Variants in PSIP1 observed in about 807,000 individuals in gnomAD.
PSIP1 encodes the protein PC4 and SRSF1 interacting protein 1, also known as PC4 and SFRS1-interacting protein.
In PSIP1, 19 loss-of-function variants were observed where a neutral mutation model predicts 74.7. The ratio of observed to expected loss-of-function variants is 0.25; its 90% CI spans 0.18 to 0.37. The LOEUF (loss-of-function observed/expected upper bound fraction) is 0.37, where lower values mean the gene tolerates loss of function less well. Ranked by LOEUF, PSIP1 falls within the 10% of genes least tolerant of loss-of-function variation. PSIP1 has a pLI of 1.00. For synonymous variants in PSIP1, 222 were observed against 195.3 expected, an observed-to-expected ratio of 1.14 and a Z score of -1.14; for missense variants, 601 against 614.3, an observed-to-expected ratio of 0.98 and a Z score of 0.23.
rs188422093 is a variant in PSIP1 at position 15,493,472 on chromosome 9, T to C, written c.150-3348A>G. The stretch of plus-strand genomic sequence containing the variant: ...CCTCCAAACTGTTCCAACCTCTGCC[T>C]GTTACCCAGTTCCAAAGTCGCTTCC... On this transcript the variant is annotated intron_variant, in intron 3 of 15. Coordinates refer to ENST00000380733, the MANE Select transcript of PSIP1 (RefSeq NM_033222.5). 1.9e-3 allele frequency among the ~76,000 whole-genome samples: 287 copies of C among 152,328 alleles called. 1 individual carries two copies. Among genetic ancestry groups the C allele is most frequent in the African/African-American group, 5.9e-3 (247 of 41,568 alleles).
chr9:15,500,148 A>G (rs2037265569), intron 3 of PSIP1, among the ~76,000 whole-genome samples: 1 of 152,126 alleles, frequency 6.6e-6, no homozygotes, highest in Admixed American at 6.5e-5. Context: ...TGCACGCACT[A>G]TTTCTCATGA....
intron 2 of PSIP1, among the ~76,000 whole-genome samples, chr9:15,509,422 C>T (rs1365394147): frequency 6.6e-6 from 1 of 152,208 alleles, no homozygotes; most frequent in African/African-American, 2.4e-5. Context: ...GGTCCTTAAT[C>T]ATTTCTCTGT....
At chr9:15,469,479 A>G (rs929538023) in intron 11 of PSIP1, 143 bp from the exon 12 acceptor site, 26 of 565,468 alleles carry the variant, frequency 4.6e-5, no homozygotes, top group Non-Finnish European at 6.9e-5. Context: ...GATATGCACA[A>G]TAGCTTAACT....
chr9:15,487,909 T>TCA (rs1281714283), intron 4 of PSIP1, among the ~76,000 whole-genome samples: 14 of 152,146 alleles, frequency 9.2e-5, no homozygotes, highest in Admixed American at 2.0e-4. Flanking sequence ...AGTAATAAAG[T>TCA]CACTAATCAT....
chr9:15,495,966 T>C (rs915834002), intron 3 of PSIP1, among the ~76,000 whole-genome samples: 2 of 152,210 alleles, frequency 1.3e-5, no homozygotes, highest in African/African-American at 2.4e-5. Context: ...TGCTGCACTA[T>C]CATCTTTGTT....
chr9:15,480,284 C>T (rs910662107), intron 6 of PSIP1, among the ~76,000 whole-genome samples: 1 of 152,162 alleles, frequency 6.6e-6, no homozygotes, highest in African/African-American at 2.4e-5. Context: ...CATGAGGCAG[C>T]AGTTGGTACT....
chr9:15,472,295 T>C, intron 10 of PSIP1: 2 of 1,016,246 alleles, frequency 2.0e-6, no homozygotes, highest in Non-Finnish European at 2.3e-6. Context: ...TCTACCAGTA[T>C]ATTATCGCCC....
intron 3 of PSIP1, among the ~76,000 whole-genome samples, chr9:15,493,424 C>T (rs1262313508): frequency 3.3e-5 from 5 of 152,202 alleles, no homozygotes; most frequent in African/African-American, 1.2e-4. Context: ...AACTTTCCCA[C>T]ATTTTCCTGT....
chr9:15,465,655 C>T (rs2035574378), intron 15 of PSIP1, 75 bp from the exon 16 acceptor site: 29 of 1,257,452 alleles, frequency 2.3e-5, no homozygotes, highest in Non-Finnish European at 3.0e-5. Context: ...ATTAAGTCTG[C>T]ATTATATTTT....
chr9:15,492,590 T>C (rs1234283479), intron 3 of PSIP1, among the ~76,000 whole-genome samples: 5 of 152,148 alleles, frequency 3.3e-5, no homozygotes, highest in East Asian at 1.9e-4. Flanking sequence ...GGTGGCCTTC[T>C]TCTCACAGCC....
At chr9:15,494,533 C>A (rs946369117) in intron 3 of PSIP1, among the ~76,000 whole-genome samples, 3 of 136,498 alleles carry the variant, frequency 2.2e-5, no homozygotes, top group Non-Finnish European at 4.6e-5. Flanking sequence ...CCATTGCACT[C>A]CAGCCTGGGC....
Position 15,465,348 on chromosome 9 carries a change from G to A in PSIP1, c.*172C>T. The A allele has an allele frequency of 1.7e-6, 1 of 590,920 alleles. No homozygotes were observed. The highest frequency in any genetic ancestry group is 2.9e-6 in the Non-Finnish European group (1 of 342,726). 36.6% of individuals were successfully genotyped at this position (590,920 alleles called of 1,614,324 possible). ...TAATGTAGCTGTTAATACTGCACAAGTACACTTAGCGATAATGTTTACTTT... is the reference window on the plus strand; with the variant it reads ...TAATGTAGCTGTTAATACTGCACAAATACACTTAGCGATAATGTTTACTTT... On this transcript the variant is annotated 3_prime_UTR_variant, in exon 16 of 16. Transcript: ENST00000380733.
chr9:15,469,381 A>G lies in PSIP1; in HGVS notation c.1034-45T>C, dbSNP rs985826708. The stretch of plus-strand genomic sequence containing the variant: ...AAAAACAGTGAACAGTTTTTCCAAA[A>G]CCAGTATTTCTATATACAGGCTAAG... On this transcript the variant is annotated intron_variant, in intron 11 of 15. Transcript: ENST00000380733. 1.1e-5 allele frequency: 14 copies of G among 1,298,824 alleles called. No homozygotes were observed. The Admixed American group carries it at 1.3e-4, about 13-fold the overall frequency. 80.5% of individuals were successfully genotyped at this position (1,298,824 alleles called of 1,614,324 possible). A position where few individuals can be genotyped will look rare whatever the true frequency, so the allele number is the denominator to read the frequency against.
intron 11 of PSIP1, 48 bp downstream of exon 11, chr9:15,469,887 ACTT>A (rs2035758507): frequency 6.2e-6 from 9 of 1,463,204 alleles, no homozygotes; most frequent in African/African-American, 1.4e-5. Flanking sequence ...TGTCTATATA[ACTT>A]CTTTTCCATG....
chr9:15,495,781 T>C (rs751820720), intron 3 of PSIP1, among the ~76,000 whole-genome samples: 7 of 152,216 alleles, frequency 4.6e-5, no homozygotes, highest in Non-Finnish European at 1.0e-4. Context: ...ATCTTCATAT[T>C]TTCCATTACA....
At chr9:15,473,904 C>CAAAAAAAAAAACAA in intron 9 of PSIP1, 105 bp downstream of exon 9, 1 of 649,272 alleles carries the variant, frequency 1.5e-6, no homozygotes, top group Non-Finnish European at 2.0e-6. Context: ...CCATCTCAAA[C>CAAAAAAAAAAACAA]AAAAAAAAAA....
At position 15,465,376 on chromosome 9, in the gene PSIP1, T is replaced by C. The variant is rs2035546498; in HGVS notation, c.*144A>G. ...CACTTAGCGATAATGTTTACTTTAC[T>C]TTAAAACAAAGGGATTTTCTCCCTC... On this transcript the variant is annotated 3_prime_UTR_variant, in exon 16 of 16. Coordinates refer to ENST00000380733, the MANE Select transcript of PSIP1 (RefSeq NM_033222.5). 2 of 686,122 alleles carry C rather than the reference T, an allele frequency of 2.9e-6. No homozygotes were observed. Among genetic ancestry groups the C allele is most frequent in the Non-Finnish European group, 4.9e-6 (2 of 410,296 alleles). The allele number at this position is 686,122 out of a possible 1,614,324, so 42.5% of individuals were successfully genotyped here.
At chr9:15,470,424 T>G (rs1411837781) in intron 10 of PSIP1, among the ~76,000 whole-genome samples, 1 of 151,852 alleles carries the variant, frequency 6.6e-6, no homozygotes, top group East Asian at 1.9e-4. Flanking sequence ...AGACTTAAGA[T>G]AACACTGTTT....
chr9:15,493,881 G>T (rs1013564294), intron 3 of PSIP1, among the ~76,000 whole-genome samples: 1 of 152,098 alleles, frequency 6.6e-6, no homozygotes, highest in African/African-American at 2.4e-5. Flanking sequence ...TTTGGGTGGG[G>T]ACACAGAGCC....
Sources: gnomAD v4.1 joint callset for allele counts (sites outside exome capture counted in the v4.1 genomes callset) on GRCh38, gnomAD v4.1.1 for gene constraint, MANE v1.5 for transcripts, NCBI Gene and HGNC (gene_info 2026-07-23, HGNC 2026-07-21) for gene names.